The following CNTLN variants were observed in gnomAD, a reference collection of about 807,000 sequenced individuals.
CNTLN encodes centlein, centrosomal protein.
In CNTLN, 212 loss-of-function variants were observed where a neutral mutation model predicts 180.0. That is an observed-to-expected ratio of 1.18 (90% CI 1.05 to 1.32). The LOEUF is 1.32. Among genes scored for constraint, CNTLN ranks in the 40% most tolerant of loss-of-function variants. The probability of loss-of-function intolerance (pLI) is 0.00; values close to 1 mark genes in which losing one functional copy is unlikely to be tolerated. For synonymous variants in CNTLN, 722 were observed against 563.1 expected, an observed-to-expected ratio of 1.28 and a Z score of -3.99; for missense variants, 2,095 against 1,610.9, an observed-to-expected ratio of 1.30 and a Z score of -5.14.
chr9:17,435,889 C>T (rs899906525), intron 18 of CNTLN, among the ~76,000 whole-genome samples: 2 of 152,034 alleles, frequency 1.3e-5, no homozygotes, highest in African/African-American at 2.4e-5. Flanking sequence ...TACGGGCACA[C>T]TTCCCATCTG....
At chr9:17,357,764 A>G (rs1389845434) in intron 12 of CNTLN, among the ~76,000 whole-genome samples, 2 of 151,478 alleles carry the variant, frequency 1.3e-5, no homozygotes, top group Non-Finnish European at 1.5e-5. Context: ...TCTATTTGAT[A>G]GTATTTTTTT....
chr9:17,189,715 A>T (rs968853508), intron 2 of CNTLN, among the ~76,000 whole-genome samples: 2 of 151,284 alleles, frequency 1.3e-5, no homozygotes, highest in African/African-American at 4.9e-5. Context: ...TCGAACTCCT[A>T]ACCGCAAGCT....
At chr9:17,390,980 G>A (rs902577277) in intron 14 of CNTLN, among the ~76,000 whole-genome samples, 3 of 152,084 alleles carry the variant, frequency 2.0e-5, no homozygotes, top group Non-Finnish European at 4.4e-5. Flanking sequence ...GGCCACAGTT[G>A]ACACTCCTAT....
chr9:17,353,185 G>A (rs780706001), intron 12 of CNTLN, among the ~76,000 whole-genome samples: 10 of 148,268 alleles, frequency 6.7e-5, no homozygotes, highest in Non-Finnish European at 1.3e-4. Context: ...TGAACTCCTG[G>A]CCTCAAGCGA....
rs138648216 is a variant in CNTLN at position 17,205,436 on chromosome 9, A to G, written c.450-20767A>G. 5.3e-4 allele frequency among the ~76,000 whole-genome samples: 80 copies of G among 152,314 alleles called. 2 individuals carry two copies. The highest frequency in any genetic ancestry group is 1.9e-3 in the African/African-American group (77 of 41,574). On this transcript the variant is annotated intron_variant, in intron 2 of 25. Coordinates refer to ENST00000380647, the MANE Select transcript of CNTLN (RefSeq NM_017738.4). ...TGCTTACCAGACTGGAAGATTCACC[A>G]CCAGACTGGGAAGCAACAGCCTGGG... is the stretch of plus-strand genomic sequence containing the variant.
intron 7 of CNTLN, chr9:17,301,668 T>C (rs1158042005): frequency 3.6e-5 from 35 of 966,890 alleles, no homozygotes; most frequent in Non-Finnish European, 3.7e-5. Context: ...GTTCATACAG[T>C]TTTCATTAGT....
intron 7 of CNTLN, chr9:17,300,848 A>G (rs1818294698): frequency 3.0e-6 from 1 of 332,224 alleles, no homozygotes; most frequent in African/African-American, 2.2e-5. Context: ...CATAACAGGT[A>G]TTTAACCTTT....
chr9:17,360,405 A>C (rs1823276149), intron 12 of CNTLN, among the ~76,000 whole-genome samples: 1 of 152,148 alleles, frequency 6.6e-6, no homozygotes, highest in Non-Finnish European at 1.5e-5. Flanking sequence ...TAGTAAGAGG[A>C]AACATCAGTG....
intron 16 of CNTLN, among the ~76,000 whole-genome samples, chr9:17,411,339 A>G (rs1053213727): frequency 3.9e-5 from 6 of 152,190 alleles, no homozygotes; most frequent in Non-Finnish European, 7.3e-5. Flanking sequence ...GTCCTACTCC[A>G]GGCAAACACC....
intron 18 of CNTLN, among the ~76,000 whole-genome samples, chr9:17,443,791 T>G (rs182590970): frequency 2.0e-5 from 3 of 152,196 alleles, no homozygotes; most frequent in Admixed American, 1.3e-4. Flanking sequence ...TGCAGCAAGA[T>G]CTTAAGTTTG....
At chr9:17,421,046 G>A (rs771358636) in intron 18 of CNTLN, among the ~76,000 whole-genome samples, 1 of 152,170 alleles carries the variant, frequency 6.6e-6, no homozygotes, top group Non-Finnish European at 1.5e-5. Flanking sequence ...GCTGTTTGAT[G>A]AAGTGTTCTG....
At chr9:17,193,754 G>A (rs865924397) in intron 2 of CNTLN, among the ~76,000 whole-genome samples, 7 of 152,172 alleles carry the variant, frequency 4.6e-5, no homozygotes, top group African/African-American at 4.8e-5. Context: ...ACTAGGCATC[G>A]CCCTAGTAGG....
At chr9:17,327,273 G>A (rs4246135) in intron 8 of CNTLN, among the ~76,000 whole-genome samples, 81,403 of 140,540 alleles carry the variant, frequency 0.58, 23,621 homozygotes, top group East Asian at 0.73. Context: ...GGGCAGTGGC[G>A]CAATCTTGGG....
chr9:17,266,630 C>T (rs574373321), intron 5 of CNTLN, among the ~76,000 whole-genome samples: 4 of 152,154 alleles, frequency 2.6e-5, no homozygotes, highest in Admixed American at 1.3e-4. Flanking sequence ...TTAGTGTTGA[C>T]GGTGGGATGT....
At chr9:17,382,269 G>T (rs1472216698) in intron 13 of CNTLN, among the ~76,000 whole-genome samples, 2 of 152,098 alleles carry the variant, frequency 1.3e-5, no homozygotes, top group African/African-American at 4.8e-5. Flanking sequence ...TAATAGCTGG[G>T]CAGCATACAA....
At chr9:17,212,441 G>C (rs1221696374) in intron 2 of CNTLN, among the ~76,000 whole-genome samples, 1 of 152,306 alleles carries the variant, frequency 6.6e-6, no homozygotes, top group African/African-American at 2.4e-5. Context: ...TTGATGTGCT[G>C]CTGGATTTGG....
intron 14 of CNTLN, among the ~76,000 whole-genome samples, chr9:17,391,098 G>A (rs1184931800): frequency 6.6e-6 from 1 of 152,154 alleles, no homozygotes; most frequent in African/African-American, 2.4e-5. Context: ...GTCTATTTAT[G>A]TGCTTAGGTT....
intron 2 of CNTLN, among the ~76,000 whole-genome samples, chr9:17,208,534 A>G (rs1361059464): frequency 6.6e-6 from 1 of 152,198 alleles, no homozygotes. Flanking sequence ...TACTTTAAAT[A>G]TGATTGGTAT....
At chr9:17,452,227 C>T (rs182126305) in intron 18 of CNTLN, among the ~76,000 whole-genome samples, 3 of 152,030 alleles carry the variant, frequency 2.0e-5, no homozygotes, top group African/African-American at 7.3e-5. Flanking sequence ...TTTCCAAGGG[C>T]CTTGTTTTAT....
Sources: gnomAD v4.1 joint callset for allele counts (sites outside exome capture counted in the v4.1 genomes callset) on GRCh38, gnomAD v4.1.1 for gene constraint, MANE v1.5 for transcripts, NCBI Gene and HGNC (gene_info 2026-07-23, HGNC 2026-07-21) for gene names.